The following SLC36A1 variants were observed in gnomAD, a reference collection of about 807,000 sequenced individuals.
SLC36A1 encodes proton-coupled amino acid transporter 1.
Under a neutral mutation model 47.5 loss-of-function variants are expected in SLC36A1, and 30 were observed. That is an observed-to-expected ratio of 0.63 (90% confidence interval 0.47 to 0.86). The LOEUF (loss-of-function observed/expected upper bound fraction) is 0.86. Ranked by LOEUF, SLC36A1 falls within the 40% of genes least tolerant of loss-of-function variation. The pLI, the probability that SLC36A1 is intolerant of heterozygous loss-of-function variation, is 0.00. For missense variants in SLC36A1, 517 were observed against 606.0 expected (o/e 0.85, Z 1.54); for synonymous variants, 255 against 249.7 (o/e 1.02, Z -0.20).
chr5:151,442,028 T>C (rs538742362), intron 1 of SLC36A1, among the ~76,000 whole-genome samples: 13 of 152,192 alleles, frequency 8.5e-5, no homozygotes, highest in Non-Finnish European at 1.8e-4. Context: ...AAATGAAATA[T>C]TTTCCTAATG....
chr5:151,528,084 C>T, the SLC36A1 span: 1 of 1,614,222 alleles, frequency 6.2e-7, no homozygotes, highest in South Asian at 1.1e-5. Context: ...TCCTATGAGG[C>T]TATAGGTAAT....
chr5:151,406,600 A>C, the SLC36A1 span: 1 of 152,256 alleles, frequency 6.6e-6, no homozygotes, highest in Non-Finnish European at 1.5e-5. Flanking sequence ...TGGCTACCTT[A>C]AAACTGGACT....
At chr5:151,481,487 T>C (rs762888961) in intron 10 of SLC36A1, among the ~76,000 whole-genome samples, 1 of 152,226 alleles carries the variant, frequency 6.6e-6, no homozygotes, top group Non-Finnish European at 1.5e-5. Flanking sequence ...TAGTATGTGA[T>C]TTTAGATCTT....
the SLC36A1 span, among the ~76,000 whole-genome samples, chr5:151,367,037 T>G: frequency 6.6e-6 from 1 of 152,034 alleles, no homozygotes; most frequent in South Asian, 2.1e-4. Context: ...TTCACATGCT[T>G]CTGAGGGAAC....
At chr5:151,386,964 G>A in the SLC36A1 span, 2 of 152,280 alleles carry the variant, frequency 1.3e-5, no homozygotes, top group African/African-American at 4.8e-5. Context: ...CTGGAATGTT[G>A]CACTTGCTCT....
At chr5:151,429,754 G>T in the SLC36A1 span, among the ~76,000 whole-genome samples, 2 of 152,068 alleles carry the variant, frequency 1.3e-5, no homozygotes, top group African/African-American at 4.8e-5. Context: ...AAGCCATTTA[G>T]CTCAACATTC....
At chr5:151,549,608 A>G in the SLC36A1 span, 1 of 825,218 alleles carries the variant, frequency 1.2e-6, no homozygotes. Flanking sequence ...AAATATGCCC[A>G]ATTGTAACTA....
chr5:151,421,025 C>A, the SLC36A1 span, among the ~76,000 whole-genome samples: 1 of 152,058 alleles, frequency 6.6e-6, no homozygotes, highest in East Asian at 1.9e-4. Flanking sequence ...CGCCCGCCAC[C>A]ACACTCAGCT....
At chr5:151,403,600 C>T in the SLC36A1 span, among the ~76,000 whole-genome samples, 5 of 152,138 alleles carry the variant, frequency 3.3e-5, no homozygotes, top group Admixed American at 3.3e-4. Context: ...AACCATAAGC[C>T]AATAAAACCT....
At chr5:151,554,948 A>C in the SLC36A1 span, among the ~76,000 whole-genome samples, 1 of 152,220 alleles carries the variant, frequency 6.6e-6, no homozygotes. Flanking sequence ...CCCCTGGGCC[A>C]TTTCTCAGAG....
At chr5:151,405,917 A>G in the SLC36A1 span, among the ~76,000 whole-genome samples, 1 of 152,196 alleles carries the variant, frequency 6.6e-6, no homozygotes, top group Non-Finnish European at 1.5e-5. Context: ...TATCTTTGGT[A>G]GTACAATTCA....
the SLC36A1 span, among the ~76,000 whole-genome samples, chr5:151,410,350 T>C: frequency 1.4e-5 from 2 of 144,416 alleles, 1 homozygote; most frequent in South Asian, 5.2e-4. Flanking sequence ...TTTCCAAATA[T>C]GGATTTTGTT....
intron 2 of SLC36A1, 97 bp from the exon 3 acceptor site, chr5:151,463,456 G>C: frequency 1.1e-6 from 1 of 901,762 alleles, no homozygotes; most frequent in South Asian, 1.4e-5. Flanking sequence ...TTACAGGGTT[G>C]TTGTGGAAAT....
At chr5:151,349,124 G>A in the SLC36A1 span, among the ~76,000 whole-genome samples, 1 of 152,214 alleles carries the variant, frequency 6.6e-6, no homozygotes, top group African/African-American at 2.4e-5. Context: ...TGTCGCAGGT[G>A]GAGCTCTGTG....
chr5:151,478,958 A>C (rs1296366626), intron 9 of SLC36A1, among the ~76,000 whole-genome samples: 1 of 152,216 alleles, frequency 6.6e-6, no homozygotes, highest in African/African-American at 2.4e-5. Context: ...AGAGTGATAT[A>C]TCATGGGGAT....
At chr5:151,381,906 T>C in the SLC36A1 span, 2 of 306,498 alleles carry the variant, frequency 6.5e-6, no homozygotes, top group Admixed American at 4.9e-5. Context: ...GAATTACTCT[T>C]TCTCTGTCGC....
chr5:151,524,383 A>G, the SLC36A1 span, among the ~76,000 whole-genome samples: 2 of 152,118 alleles, frequency 1.3e-5, no homozygotes, highest in South Asian at 4.1e-4. Context: ...CCAGTGTAAC[A>G]GTATTTGGAG....
chr5:151,463,774 C>T (rs1755937054), intron 3 of SLC36A1, 131 bp downstream of exon 3: 3 of 712,954 alleles, frequency 4.2e-6, no homozygotes, highest in South Asian at 1.7e-5. Flanking sequence ...TGACAAAAAG[C>T]GGAATTCAGA....
At chr5:151,499,589 C>T in the SLC36A1 span, among the ~76,000 whole-genome samples, 1 of 152,190 alleles carries the variant, frequency 6.6e-6, no homozygotes, top group Non-Finnish European at 1.5e-5. Context: ...TTGCTTATCC[C>T]CAGATGCTCA....
Sources: gnomAD v4.1 joint callset for allele counts (sites outside exome capture counted in the v4.1 genomes callset) on GRCh38, gnomAD v4.1.1 for gene constraint, MANE v1.5 for transcripts, NCBI Gene and HGNC (gene_info 2026-07-23, HGNC 2026-07-21) for gene names.